The following RAI14 variants were observed in gnomAD, a reference collection of about 807,000 sequenced individuals.
The protein encoded by RAI14 is retinoic acid induced 14.
In RAI14, 45 loss-of-function variants were observed where a neutral mutation model predicts 115.4. That is an observed-to-expected ratio of 0.39 (90% CI 0.31 to 0.50). The LOEUF is 0.50. Among genes scored for constraint, RAI14 ranks in the 20% least tolerant of loss-of-function variants. The pLI is 0.85. For synonymous variants in RAI14, 371 were observed against 415.4 expected, an observed-to-expected ratio of 0.89 and a Z score of 1.30; for missense variants, 939 against 1,131.2, an observed-to-expected ratio of 0.83 and a Z score of 2.44.
intron 16 of RAI14, among the ~76,000 whole-genome samples, chr5:34,826,773 C>T (rs1252668259): frequency 6.6e-6 from 1 of 152,172 alleles, no homozygotes; most frequent in East Asian, 1.9e-4. Flanking sequence ...TACCCCTTCT[C>T]CTTTTTCTGC....
chr5:34,675,128 C>T (rs1479539776), intron 1 of RAI14, among the ~76,000 whole-genome samples: 1 of 152,152 alleles, frequency 6.6e-6, no homozygotes, highest in Non-Finnish European at 1.5e-5. Context: ...ATCTCTTGAC[C>T]TTGTGATCCA....
chr5:34,686,506 A>G (rs1744892750), intron 1 of RAI14: 1 of 154,306 alleles, frequency 6.5e-6, no homozygotes, highest in African/African-American at 2.4e-5. Flanking sequence ...TGTTCTCATC[A>G]CAGTGAAATA....
chr5:34,690,135 G>A (rs891919686), intron 2 of RAI14, among the ~76,000 whole-genome samples: 1 of 152,080 alleles, frequency 6.6e-6, no homozygotes, highest in South Asian at 2.1e-4. Context: ...TTTGATACAC[G>A]TACATGTGTA....
intron 4 of RAI14, among the ~76,000 whole-genome samples, chr5:34,802,869 T>C (rs377616066): frequency 6.6e-6 from 1 of 152,234 alleles, no homozygotes; most frequent in East Asian, 1.9e-4. Flanking sequence ...CTCTCCCTTC[T>C]GTATAAGAAC....
chr5:34,768,556 C>T (rs576201377), intron 3 of RAI14, among the ~76,000 whole-genome samples: 2 of 152,294 alleles, frequency 1.3e-5, no homozygotes, highest in African/African-American at 4.8e-5. Flanking sequence ...GTTCTACATA[C>T]TGGAGTCTGG....
At chr5:34,727,236 C>G (rs1236522469) in intron 2 of RAI14, among the ~76,000 whole-genome samples, 3 of 152,204 alleles carry the variant, frequency 2.0e-5, no homozygotes, top group African/African-American at 7.2e-5. Flanking sequence ...GATTTTGCCC[C>G]TGCCCTAGAG....
chr5:34,686,802 A>G, intron 1 of RAI14, 70 bp from the exon 2 acceptor site: 1 of 1,005,776 alleles, frequency 9.9e-7, no homozygotes, highest in Non-Finnish European at 1.5e-6. Flanking sequence ...CCCATGACCC[A>G]AGTTGTAATC....
intron 15 of RAI14, among the ~76,000 whole-genome samples, chr5:34,825,026 C>T (rs1301410409): frequency 1.3e-5 from 2 of 151,464 alleles, no homozygotes; most frequent in African/African-American, 4.8e-5. Context: ...TAGTGGCTCA[C>T]TCCTCTAATT....
intron 4 of RAI14, among the ~76,000 whole-genome samples, chr5:34,802,941 G>A (rs944892673): frequency 1.4e-4 from 22 of 152,070 alleles, no homozygotes; most frequent in African/African-American, 5.3e-4. Context: ...GAGAGGAGAG[G>A]GAAATGAGAT....
chr5:34,822,970 G>C lies in RAI14; in HGVS notation c.1128G>C (p.Lys376Asn). The change falls in exon 15 of 18, where the codon AAG becomes AAC. Residue 376 changes from lysine to asparagine, a missense_variant. By Grantham distance (94) the Lys-to-Asn change is moderately conservative (BLOSUM62 0). Transcript: ENST00000265109. The stretch of plus-strand genomic sequence containing the variant: ...TTTTTTCCTAGGCCAAATCACCCAA[G>C]GAGGCGGAAGCAGACCTAAGCTTTG... ...LQDKLQAKSP[K>N]EAEADLSFDS... The C allele has an allele frequency of 6.2e-7, 1 of 1,610,802 alleles. No individual in the cohort carries two copies.
At chr5:34,670,192 AT>A (rs1438961196) in intron 1 of RAI14, among the ~76,000 whole-genome samples, 1 of 152,144 alleles carries the variant, frequency 6.6e-6, no homozygotes, top group Non-Finnish European at 1.5e-5. Flanking sequence ...AGGCAACTGA[AT>A]TTTTTCTATT....
chr5:34,803,032 T>C (rs1754458279), intron 4 of RAI14, among the ~76,000 whole-genome samples: 1 of 152,188 alleles, frequency 6.6e-6, no homozygotes, highest in Non-Finnish European at 1.5e-5. Context: ...TTCCTCAGCC[T>C]GTGGTGGGCA....
At chr5:34,718,989 AC>A (rs1379332862) in intron 2 of RAI14, among the ~76,000 whole-genome samples, 27 of 152,362 alleles carry the variant, frequency 1.8e-4, no homozygotes, top group African/African-American at 6.3e-4. Flanking sequence ...TTTAGCCGGT[AC>A]TGTATGTTCT....
intron 2 of RAI14, among the ~76,000 whole-genome samples, chr5:34,714,490 T>C (rs1188131641): frequency 6.6e-6 from 1 of 152,226 alleles, no homozygotes; most frequent in Non-Finnish European, 1.5e-5. Context: ...TGATTTCTTC[T>C]GAGTGGTTTC....
chr5:34,706,618 A>G (rs533114579), intron 2 of RAI14, among the ~76,000 whole-genome samples: 1 of 152,260 alleles, frequency 6.6e-6, no homozygotes, highest in Admixed American at 6.5e-5. Flanking sequence ...TGTTGGGCCT[A>G]TTGTGTGATT....
intron 2 of RAI14, among the ~76,000 whole-genome samples, chr5:34,727,519 T>C (rs937435208): frequency 2.6e-5 from 4 of 152,168 alleles, no homozygotes; most frequent in Non-Finnish European, 5.9e-5. Flanking sequence ...CTCCCTCCCA[T>C]CACAGGTCCA....
At chr5:34,708,280 G>A (rs1740965236) in intron 2 of RAI14, among the ~76,000 whole-genome samples, 1 of 149,592 alleles carries the variant, frequency 6.7e-6, no homozygotes, top group African/African-American at 2.5e-5. Context: ...TCGGCTCACT[G>A]CAACCTCTGC....
At chr5:34,731,557 G>A (rs1744181286) in intron 2 of RAI14, among the ~76,000 whole-genome samples, 1 of 152,178 alleles carries the variant, frequency 6.6e-6, no homozygotes, top group African/African-American at 2.4e-5. Context: ...ATATGTGGAG[G>A]CTGTGGGCAA....
intron 4 of RAI14, among the ~76,000 whole-genome samples, chr5:34,796,784 G>A (rs1753590328): frequency 1.3e-5 from 2 of 151,950 alleles, no homozygotes; most frequent in Non-Finnish European, 2.9e-5. Flanking sequence ...GTTCACCTGG[G>A]AACTTGAAGG....
Sources: allele counts gnomAD v4.1 joint callset (sites outside exome capture counted in the v4.1 genomes callset), GRCh38; gene constraint gnomAD v4.1.1; transcripts MANE v1.5; gene names NCBI Gene and HGNC (gene_info 2026-07-23, HGNC 2026-07-21).